NAV1: variants seen among roughly 807,000 people sequenced by gnomAD.
NAV1 encodes neuron navigator 1, also known as pore membrane and/or filament interacting like protein 3.
In NAV1, 18 loss-of-function variants were observed where a neutral mutation model predicts 175.2. That is an observed-to-expected ratio of 0.10 (90% CI 0.07 to 0.15). The LOEUF is 0.15. NAV1 is among the 10% of genes least tolerant of loss of function. The probability of loss-of-function intolerance (pLI) is 1.00; values close to 1 mark genes in which losing one functional copy is unlikely to be tolerated. For synonymous variants in NAV1, 897 were observed against 978.7 expected (o/e 0.92, Z 1.56); for missense variants, 1,731 against 2,436.6 (o/e 0.71, Z 6.10).
intron 3 of NAV1, among the ~76,000 whole-genome samples, chr1:201,776,103 G>GTA (rs775533131): frequency 6.6e-6 from 1 of 151,900 alleles, no homozygotes; most frequent in Non-Finnish European, 1.5e-5. Context: ...ACATTTATGT[G>GTA]TATATATATG....
chr1:201,697,035 A>G (rs947322935), intron 1 of NAV1, among the ~76,000 whole-genome samples: 1 of 152,190 alleles, frequency 6.6e-6, no homozygotes, highest in Non-Finnish European at 1.5e-5. Flanking sequence ...TCTTCAGCAC[A>G]TCTTATTAAG....
chr1:201,613,911 A>C (rs1667925070), intron 2 of NAV1, among the ~76,000 whole-genome samples: 1 of 152,100 alleles, frequency 6.6e-6, no homozygotes, highest in South Asian at 2.1e-4. Flanking sequence ...TTTAAGGTAG[A>C]TATTGTTATC....
chr1:201,684,921 T>C (rs1670619335), intron 1 of NAV1, among the ~76,000 whole-genome samples: 1 of 148,568 alleles, frequency 6.7e-6, no homozygotes, highest in African/African-American at 2.5e-5. Context: ...ACGATCATGC[T>C]ACTGCACTCC....
intron 10 of NAV1, among the ~76,000 whole-genome samples, chr1:201,789,147 G>A (rs1463445856): frequency 6.6e-6 from 1 of 152,178 alleles, no homozygotes. Flanking sequence ...AGAGCTAGAA[G>A]ACCAGGCTTA....
chr1:201,713,019 G>A (rs1198027810), intron 2 of NAV1, 100 bp downstream of exon 6: 2 of 797,932 alleles, frequency 2.5e-6, no homozygotes, highest in Non-Finnish European at 4.4e-6. Context: ...CCTCTGCCAG[G>A]TCAGCCAGGT....
intron 2 of NAV1, among the ~76,000 whole-genome samples, chr1:201,591,345 A>G (rs1667187299): frequency 6.6e-6 from 1 of 152,118 alleles, no homozygotes; most frequent in Non-Finnish European, 1.5e-5. Flanking sequence ...GGTTGGCACC[A>G]TAGGAGATCT....
intron 1 of NAV1, among the ~76,000 whole-genome samples, chr1:201,658,805 T>C (rs1669502956): frequency 6.6e-6 from 1 of 152,198 alleles, no homozygotes; most frequent in African/African-American, 2.4e-5. Context: ...CAGGGAAGAT[T>C]ATTCTTGCAG....
At chr1:201,706,394 T>C (rs7528692) in intron 1 of NAV1, among the ~76,000 whole-genome samples, 3,006 of 152,218 alleles carry the variant, frequency 0.02, 106 homozygotes, top group African/African-American at 0.069. Context: ...TACATTGCAG[T>C]TCACCTCTTC....
chr1:201,639,799 C>T (rs1668700582), intron 2 of NAV1, among the ~76,000 whole-genome samples: 1 of 152,180 alleles, frequency 6.6e-6, no homozygotes, highest in African/African-American at 2.4e-5. Context: ...GCTTGGGGGG[C>T]CCCGGCCTCC....
chr1:201,596,473 C>A (rs1181028494), intron 2 of NAV1, among the ~76,000 whole-genome samples: 1 of 152,204 alleles, frequency 6.6e-6, no homozygotes, highest in Non-Finnish European at 1.5e-5. Context: ...GTGAAAGAAC[C>A]ACAGCAGCTC....
At position 201,782,971 on chromosome 1, in the gene NAV1, G is replaced by C. The variant is rs369975398; in HGVS notation, c.2357+102G>C. On this transcript the variant is annotated intron_variant, in intron 6 of 29. Coordinates refer to ENST00000367296, the Ensembl canonical transcript of NAV1. This position sits in a 1 kb window ranked among gnomAD's most constrained non-coding sequence, Gnocchi z 5.4. ...GATGAGGCATGGCCTATCCACCGTT[G>C]TCTCTAGGCCTTTGCATGGCTCTTT... 3.3e-5 allele frequency: 33 copies of C among 1,005,856 alleles called. No homozygotes were observed. The South Asian group carries it at 3.5e-4, about 11-fold the overall frequency. The allele number at this position is 1,005,856 out of a possible 1,614,324, so 62.3% of individuals were successfully genotyped here.
intron 1 of NAV1, among the ~76,000 whole-genome samples, chr1:201,679,513 G>A (rs146737676): frequency 7.5e-4 from 114 of 152,282 alleles, no homozygotes; most frequent in African/African-American, 2.7e-3. Flanking sequence ...TTATTGAAAT[G>A]TATGGTGCCC....
intron 3 of NAV1, among the ~76,000 whole-genome samples, chr1:201,736,040 A>G (rs886812927): frequency 2.0e-5 from 3 of 152,252 alleles, no homozygotes; most frequent in African/African-American, 7.2e-5. Context: ...TTCTGCCACT[A>G]TGCTATCAAC....
In NAV1 at chr1:201,780,552, C is replaced by T. The variant is rs1400515848; in HGVS notation, c.1358C>T (p.Thr453Ile). 2.5e-6 allele frequency: 4 copies of T among 1,614,104 alleles called. No homozygotes were observed. In the African/African-American group the frequency reaches 4.0e-5, roughly 16 times the overall value. Residue 453 changes from threonine (T) to isoleucine (I), a missense_variant, in exon 4 of 30, where the codon ACA (threonine) becomes ATA (isoleucine). Thr to Ile is a moderately conservative substitution (Grantham distance 89). Coordinates refer to ENST00000367296, the Ensembl canonical transcript of NAV1. ...CCCACTGCTTCTCGCAGGAACTCAA[C>T]AATAGTGGTACGTGAGTTTGCAAAC...
chr1:201,650,584 C>T (rs1669160464), intron 1 of NAV1, among the ~76,000 whole-genome samples: 1 of 152,170 alleles, frequency 6.6e-6, no homozygotes, highest in Non-Finnish European at 1.5e-5. Flanking sequence ...GGCCGAGTGA[C>T]GGGCTTGGCG....
chr1:201,713,039 C>T (rs987457281), intron 2 of NAV1, 120 bp downstream of exon 6: 10 of 667,588 alleles, frequency 1.5e-5, no homozygotes, highest in East Asian at 1.1e-4. Flanking sequence ...TGGCCTGATG[C>T]GTGGAGCCAC....
rs375219280 is a variant in NAV1 at position 201,782,487 on chromosome 1, T to C, written c.1975T>C (p.Phe659Leu). The change falls in exon 6 of 30, where the codon TTC becomes CTC. Residue 659 changes from phenylalanine to leucine, a missense_variant. Phe to Leu is a conservative substitution (Grantham distance 22, BLOSUM62 0). Around this residue, in one of 13 missense-constraint regions of NAV1, gnomAD observed 634 missense variants for 766.8 expected, o/e 0.83. Coordinates refer to ENST00000367296, the Ensembl canonical transcript of NAV1. This position sits in a 1 kb window ranked among gnomAD's most constrained non-coding sequence, Gnocchi z 5.4. ...TGTTTCCAACAGTGCAGAGCCAGGATTCCTGGCTCCTGGAGCCCGTTCTAA... is the reference window on the plus strand; with the variant it reads ...TGTTTCCAACAGTGCAGAGCCAGGACTCCTGGCTCCTGGAGCCCGTTCTAA... The C allele has an allele frequency of 6.2e-7, 1 of 1,613,376 alleles. No homozygotes were observed. The highest frequency in any genetic ancestry group is 8.5e-7 in the Non-Finnish European group (1 of 1,179,366).
At chr1:201,651,157 G>GTGTC (rs1478258014) in intron 1 of NAV1, among the ~76,000 whole-genome samples, 3 of 150,426 alleles carry the variant, frequency 2.0e-5, no homozygotes, top group African/African-American at 7.5e-5. Context: ...GTGTGTGTGT[G>GTGTC]TGTCAGACTG....
chr1:201,816,834 TTTTTTTC>T, intron 28 of NAV1: 1 of 465,260 alleles, frequency 2.1e-6, no homozygotes. Flanking sequence ...TGGCTAATTT[TTTTTTTC>T]TTTTTTCTTT....
Sources: gnomAD v4.1 joint callset for allele counts (sites outside exome capture counted in the v4.1 genomes callset) on GRCh38, gnomAD v4.1.1 for gene constraint, gnomAD v4.1.1 regional missense constraint, Gnocchi (gnomAD v3.1) non-coding constraint, MANE v1.5 for transcripts, NCBI Gene and HGNC (gene_info 2026-07-23, HGNC 2026-07-21) for gene names.